Variants in LATS2 observed in about 807,000 individuals in gnomAD.
LATS2 encodes the protein large tumor suppressor kinase 2.
A neutral mutation model predicts 76.0 loss-of-function variants in LATS2; 24 were observed. The observed-to-expected ratio is 0.32, with a 90% confidence interval of 0.23 to 0.44. The LOEUF (loss-of-function observed/expected upper bound fraction) is 0.44. LATS2 is among the 20% of genes least tolerant of loss of function. The pLI, the probability that LATS2 is intolerant of heterozygous loss-of-function variation, is 1.00. For synonymous variants in LATS2, 692 were observed against 635.4 expected (o/e 1.09, Z -1.34); for missense variants, 1,286 against 1,481.2 (o/e 0.87, Z 2.16).
At chr13:21,052,861 T>C (rs1873321650) in intron 1 of LATS2, among the ~76,000 whole-genome samples, 1 of 152,184 alleles carries the variant, frequency 6.6e-6, no homozygotes, top group African/African-American at 2.4e-5. Context: ...AGGTCTGGGT[T>C]GACTCTGTGA....
At chr13:20,980,048 G>T (rs565288544) in intron 6 of LATS2, among the ~76,000 whole-genome samples, 165 of 152,206 alleles carry the variant, frequency 1.1e-3, no homozygotes, top group Non-Finnish European at 2.1e-3. Flanking sequence ...AATTTAAAAA[G>T]ATTATTTTTA....
intron 2 of LATS2, among the ~76,000 whole-genome samples, chr13:20,997,361 G>C (rs1190738033): frequency 6.6e-6 from 1 of 152,208 alleles, no homozygotes; most frequent in African/African-American, 2.4e-5. Flanking sequence ...CCTGGAAAAT[G>C]TGAGATTTGC....
chr13:21,022,051 G>A (rs1376946645), intron 2 of LATS2, among the ~76,000 whole-genome samples: 1 of 152,122 alleles, frequency 6.6e-6, no homozygotes, highest in African/African-American at 2.4e-5. Flanking sequence ...GATGAAATAG[G>A]AGAAAAGACT....
chr13:20,988,715 G>A lies in LATS2; in HGVS notation c.1065C>T (p.Leu355=). The change falls in exon 4 of 8, where the codon CTC becomes CTT. Residue 355 remains leucine (L), a synonymous_variant. Transcript: ENST00000382592. ...QSLLTPSRNS[L]NVDLYELGST... is the part of the protein sequence containing the mutation. ...TGCCCAATTCATACAGGTCCACGTT[G>A]AGGCTGTTCCGCGAGGGAGTGAGCA... The A allele has an allele frequency of 1.3e-6, 2 of 1,566,564 alleles. No homozygotes were observed. The highest frequency in any genetic ancestry group is 1.7e-6 in the Non-Finnish European group (2 of 1,163,628).
rs769527254 is a variant in LATS2 at position 20,975,086 on chromosome 13, A to G, written c.3051T>C (p.Gly1017=). 6.2e-7 allele frequency: 1 copy of G among 1,614,166 alleles called. No homozygotes were observed. The highest frequency in any genetic ancestry group is 1.3e-5 in the African/African-American group (1 of 75,036). The part of the protein sequence containing the change: ...EESPWNDASE[G]STKAWDTLTS... ...TGAGTGTGTCCCAGGCCTTGGTGCT[A>G]CCTTCGCTGGCATCGTTCCAAGGGC... The change falls in exon 8 of 8, where the codon GGT becomes GGC. Residue 1017 remains glycine, a synonymous_variant. Coordinates refer to ENST00000382592, the MANE Select transcript of LATS2 (RefSeq NM_014572.3).
intron 2 of LATS2, among the ~76,000 whole-genome samples, chr13:21,023,660 A>C (rs1277645248): frequency 2.7e-5 from 1 of 36,856 alleles, no homozygotes; most frequent in East Asian, 5.8e-4. Context: ...AAAAAAAAAA[A>C]AAAAAAAAAA....
intron 2 of LATS2, among the ~76,000 whole-genome samples, chr13:21,000,378 CATA>C (rs746861687): frequency 5.3e-5 from 8 of 150,686 alleles, no homozygotes; most frequent in South Asian, 2.1e-4. Flanking sequence ...AAGACTCTGT[CATA>C]ATAATAATAA....
At chr13:21,029,804 A>G (rs139128329) in intron 2 of LATS2, among the ~76,000 whole-genome samples, 10 of 152,240 alleles carry the variant, frequency 6.6e-5, no homozygotes, top group Admixed American at 6.5e-5. Flanking sequence ...AAAGAAAAAA[A>G]AAGATATTGG....
chr13:21,005,024 G>C (rs1308352632), intron 2 of LATS2: 1 of 152,190 alleles, frequency 6.6e-6, no homozygotes, highest in Non-Finnish European at 1.5e-5. Flanking sequence ...ACAGGAATGG[G>C]GCACTTCATG....
chr13:20,982,752 G>C (rs1465380662), intron 5 of LATS2, among the ~76,000 whole-genome samples: 2 of 151,640 alleles, frequency 1.3e-5, no homozygotes, highest in Admixed American at 1.3e-4. Flanking sequence ...AGCACTTTGG[G>C]AGGCGGAGGC....
intron 1 of LATS2, among the ~76,000 whole-genome samples, chr13:21,057,474 T>C (rs1873482992): frequency 1.3e-5 from 2 of 152,358 alleles, no homozygotes; most frequent in South Asian, 4.1e-4. Flanking sequence ...CCAATGTCTT[T>C]ATTTCCAATA....
At chr13:21,044,689 G>GGGGT (rs1872996981) in intron 2 of LATS2, among the ~76,000 whole-genome samples, 3 of 137,686 alleles carry the variant, frequency 2.2e-5, no homozygotes, top group African/African-American at 8.3e-5. Flanking sequence ...GAGGTGTAGG[G>GGGGT]GTGTGTGTGT....
chr13:21,024,446 T>A (rs907459645), intron 2 of LATS2, among the ~76,000 whole-genome samples: 2 of 151,992 alleles, frequency 1.3e-5, no homozygotes, highest in Non-Finnish European at 2.9e-5. Flanking sequence ...ATAATAATAA[T>A]AAATGATAAT....
intron 2 of LATS2, among the ~76,000 whole-genome samples, chr13:21,043,895 A>C (rs1173431819): frequency 1.3e-5 from 2 of 151,958 alleles, no homozygotes; most frequent in African/African-American, 2.4e-5. Flanking sequence ...TTACAGGAGA[A>C]GATTTTAAGC....
At position 21,061,581 on chromosome 13, in the gene LATS2, G is replaced by GGCGTCACGTGACCCCGCCTCCC. The variant is rs1214348878; in HGVS notation, c.-441_-440insGGGAGGCGGGGTCACGTGACGC. ...TTCGCTACATTGTTGGCATTCCACG[G>GGCGTCACGTGACCCCGCCTCCC]GCGTCACGTGACCCCGCCTCCCGCG... On this transcript the variant is annotated 5_prime_UTR_variant, in exon 1 of 8. Transcript: ENST00000382592. The GGCGTCACGTGACCCCGCCTCCC allele has an allele frequency of 3.9e-5, 6 of 152,776 alleles. No individual in the cohort carries two copies. Among genetic ancestry groups the GGCGTCACGTGACCCCGCCTCCC allele is most frequent in the African/African-American group, 1.4e-4 (6 of 41,572 alleles). 9.5% of individuals were successfully genotyped at this position (152,776 alleles called of 1,614,324 possible).
chr13:21,045,701 T>C lies in LATS2; in HGVS notation c.326A>G (p.Asn109Ser), dbSNP rs775653875. The C allele has an allele frequency of 1.2e-6, 2 of 1,613,994 alleles. No individual in the cohort carries two copies. The highest frequency in any genetic ancestry group is 1.7e-5 in the Admixed American group (1 of 60,018). ...VNRQMLQELVNAGCDQEMAGR... is the reference protein window; with the variant it reads ...VNRQMLQELVSAGCDQEMAGR... ...TGTACCCACCTGGTCGCATCCTGCG[T>C]TCACCAGTTCCTGCAGCATTTGCCG... Residue 109 changes from asparagine (N) to serine (S), a missense_variant, in exon 2 of 8, where the codon AAC becomes AGC. Physicochemically the swap from Asn to Ser is conservative, Grantham distance 46. Coordinates refer to ENST00000382592, the MANE Select transcript of LATS2 (RefSeq NM_014572.3).
intron 4 of LATS2, among the ~76,000 whole-genome samples, chr13:20,985,238 C>A (rs974995506): frequency 6.6e-6 from 1 of 152,066 alleles, no homozygotes; most frequent in African/African-American, 2.4e-5. Context: ...CTCAAAAGCA[C>A]AGGCAAAAAA....
intron 2 of LATS2, among the ~76,000 whole-genome samples, chr13:21,009,409 G>C (rs1327147904): frequency 6.6e-6 from 1 of 152,146 alleles, no homozygotes; most frequent in Non-Finnish European, 1.5e-5. Flanking sequence ...GTTCCAATTT[G>C]CTGCTGGATC....
In LATS2 at chr13:20,988,149, A is replaced by G. The variant is rs1870254842; in HGVS notation, c.1631T>C (p.Leu544Pro). 6.2e-7 allele frequency: 1 copy of G among 1,614,014 alleles called. No homozygotes were observed. Residue 544 changes from leucine to proline, a missense_variant, in exon 4 of 8, where the codon CTC becomes CCC. Physicochemically the swap from Leu to Pro is moderately conservative, Grantham distance 98 (BLOSUM62 -3). Around this residue, in one of 5 missense-constraint regions of LATS2, gnomAD observed 710 missense variants for 660.9 expected, o/e 1.07. Transcript: ENST00000382592. ...CTCGGGCTCGTTGGGGCCCGCACGG[A>G]GGCTCTGCTCCATGCCTGCGCACAG... ...DSLCAGMEQS[L>P]RAGPNEPEGG...
Sources: gnomAD v4.1 joint callset for allele counts (sites outside exome capture counted in the v4.1 genomes callset) on GRCh38, gnomAD v4.1.1 for gene constraint, gnomAD v4.1.1 regional missense constraint, MANE v1.5 for transcripts, NCBI Gene and HGNC (gene_info 2026-07-23, HGNC 2026-07-21) for gene names.